Variants in FMN1 observed in about 807,000 individuals in gnomAD.
The protein encoded by FMN1 is formin-1.
A neutral mutation model predicts 132.4 loss-of-function variants in FMN1; 110 were observed. The observed-to-expected ratio is 0.83, with a 90% CI of 0.71 to 0.97. FMN1 has a LOEUF of 0.97. Among genes scored for constraint, FMN1 ranks in the 50% least tolerant of loss-of-function variants. The pLI is 0.00. For synonymous variants in FMN1, 722 were observed against 651.7 expected (o/e 1.11, Z -1.64); for missense variants, 1,792 against 1,705.3 (o/e 1.05, Z -0.90).
At position 33,154,160 on chromosome 15, in the gene FMN1, C is replaced by G. The variant is rs1369300616; in HGVS notation, c.755G>C (p.Ser252Thr). Residue 252 changes from serine to threonine, a missense_variant, in exon 4 of 21, where the codon AGC becomes ACC. Physicochemically the swap from Ser to Thr is moderately conservative, Grantham distance 58. Around this residue, in one of 3 missense-constraint regions of FMN1, gnomAD observed 638 missense variants for 645.2 expected, o/e 0.99. Transcript: ENST00000616417. ...KTPDTDLGFG[S>T]FETAFKDTGL... ...AGTGTCCTTGAAAGCCGTCTCAAAG[C>G]TCCCAAAGCCAAGGTCTGTGTCTGG... 13 of 1,536,356 alleles carry G rather than the reference C, an allele frequency of 8.5e-6. No homozygotes were observed. Among genetic ancestry groups the G allele is most frequent in the Non-Finnish European group, 1.1e-5 (13 of 1,147,010 alleles).
intron 6 of FMN1, among the ~76,000 whole-genome samples, chr15:33,018,990 G>A (rs766949707): frequency 6.6e-6 from 1 of 152,194 alleles, no homozygotes; most frequent in Non-Finnish European, 1.5e-5. Context: ...GCAGCAGCAA[G>A]ATTTATTGCA....
intron 15 of FMN1, among the ~76,000 whole-genome samples, chr15:32,890,707 G>A (rs1373840594): frequency 1.3e-5 from 2 of 152,072 alleles, no homozygotes; most frequent in African/African-American, 4.8e-5. Context: ...CTACTCTTAG[G>A]TTGCCCCTTT....
At chr15:33,134,173 T>G (rs1309273651) in intron 4 of FMN1, among the ~76,000 whole-genome samples, 1 of 152,172 alleles carries the variant, frequency 6.6e-6, no homozygotes, top group African/African-American at 2.4e-5. Flanking sequence ...GGTCTCAAAC[T>G]CCTGGGCTCA....
intron 4 of FMN1, among the ~76,000 whole-genome samples, chr15:33,128,568 C>CTT (rs1203138818): frequency 6.6e-6 from 1 of 152,230 alleles, no homozygotes; most frequent in Non-Finnish European, 1.5e-5. Context: ...GAGTTTCTTG[C>CTT]TTCCGATGCG....
In FMN1 at chr15:33,153,682, GGCCGACACACTA is replaced by G; in HGVS notation, c.1221_1232del (p.Val409_Ser412del). The stretch of plus-strand genomic sequence containing the variant: ...CCTTGTTCACGGCCCCCTCGGCACT[GGCCGACACACTA>G]GAAATGGAGGCTGTTTCCCCGGCTG... On this transcript the variant is annotated inframe_deletion, in exon 4 of 21. Transcript: ENST00000616417. 6.5e-7 allele frequency: 1 copy of G among 1,536,394 alleles called. No individual in the cohort carries two copies. Among genetic ancestry groups the G allele is most frequent in the Non-Finnish European group, 8.7e-7 (1 of 1,146,968 alleles).
chr15:32,781,093 T>A (rs1001349991), intron 19 of FMN1, among the ~76,000 whole-genome samples: 4 of 152,222 alleles, frequency 2.6e-5, no homozygotes, highest in Admixed American at 6.5e-5. Context: ...AAAGAATATA[T>A]GATGCATGTT....
chr15:33,161,670 G>A (rs1328253997), intron 3 of FMN1, among the ~76,000 whole-genome samples: 1 of 152,134 alleles, frequency 6.6e-6, no homozygotes, highest in African/African-American at 2.4e-5. Context: ...TGTAATCCCA[G>A]CACTTTGGGA....
chr15:32,859,949 G>A (rs1406528852), intron 16 of FMN1, among the ~76,000 whole-genome samples: 4 of 152,126 alleles, frequency 2.6e-5, no homozygotes, highest in East Asian at 3.9e-4. Flanking sequence ...GATCTGGGAG[G>A]GTTTTTTCTG....
intron 4 of FMN1, among the ~76,000 whole-genome samples, chr15:33,122,606 G>C (rs1218318111): frequency 2.0e-5 from 3 of 152,206 alleles, no homozygotes; most frequent in African/African-American, 7.2e-5. Flanking sequence ...TAATGCAGCA[G>C]TAATAAAATC....
chr15:32,949,978 T>TATTAAA (rs1275873476), intron 9 of FMN1, among the ~76,000 whole-genome samples: 1 of 36,202 alleles, frequency 2.8e-5, no homozygotes, highest in African/African-American at 1.6e-4. Context: ...CACATATATA[T>TATTAAA]ACACACACAT....
At chr15:33,044,636 A>G (rs1227077431) in intron 6 of FMN1, among the ~76,000 whole-genome samples, 1 of 152,048 alleles carries the variant, frequency 6.6e-6, no homozygotes, top group Non-Finnish European at 1.5e-5. Context: ...AAGGGATGAG[A>G]GGATGACCAG....
chr15:32,842,200 C>G (rs976064036), intron 17 of FMN1, among the ~76,000 whole-genome samples: 7 of 152,180 alleles, frequency 4.6e-5, no homozygotes, highest in Non-Finnish European at 8.8e-5. Context: ...AAGCCAGTAA[C>G]TATGTAAGAA....
At chr15:32,977,008 C>T (rs186540913) in intron 7 of FMN1, among the ~76,000 whole-genome samples, 19 of 152,306 alleles carry the variant, frequency 1.2e-4, no homozygotes, top group South Asian at 1.2e-3. Flanking sequence ...GGATTTCAAT[C>T]CTGGCTGATA....
At chr15:32,960,901 A>T (rs2140567466) in intron 9 of FMN1, among the ~76,000 whole-genome samples, 1 of 146,932 alleles carries the variant, frequency 6.8e-6, no homozygotes, top group South Asian at 2.3e-4. Context: ...AGGCTGAAGC[A>T]GGAGAATTGC....
chr15:32,907,592 A>C (rs1596244616), intron 12 of FMN1, among the ~76,000 whole-genome samples: 1 of 152,314 alleles, frequency 6.6e-6, no homozygotes, highest in East Asian at 1.9e-4. Flanking sequence ...ATGGAACTCC[A>C]GTGCAAGCCG....
At chr15:33,058,095 G>GGGA (rs2037316773) in intron 6 of FMN1, among the ~76,000 whole-genome samples, 1 of 115,572 alleles carries the variant, frequency 8.7e-6, no homozygotes, top group South Asian at 3.0e-4. Flanking sequence ...TGGGGGTGCT[G>GGGA]GTGGAAAGGT....
chr15:32,855,820 C>T (rs2059117846), intron 17 of FMN1, among the ~76,000 whole-genome samples: 1 of 152,200 alleles, frequency 6.6e-6, no homozygotes, highest in Non-Finnish European at 1.5e-5. Context: ...TATATTTACA[C>T]AGTATAATTA....
intron 4 of FMN1, among the ~76,000 whole-genome samples, chr15:33,093,486 A>G (rs1418187699): frequency 1.3e-5 from 2 of 152,202 alleles, no homozygotes; most frequent in Non-Finnish European, 2.9e-5. Context: ...ATCTAAGAAG[A>G]CAGAGCTGTG....
At chr15:33,021,156 T>C (rs781401219) in intron 6 of FMN1, among the ~76,000 whole-genome samples, 5 of 152,194 alleles carry the variant, frequency 3.3e-5, no homozygotes, top group South Asian at 2.1e-4. Context: ...CAGAGAAAGA[T>C]ACATGGTGCA....
Sources: gnomAD v4.1 joint callset for allele counts (sites outside exome capture counted in the v4.1 genomes callset) on GRCh38, gnomAD v4.1.1 for gene constraint, gnomAD v4.1.1 regional missense constraint, MANE v1.5 for transcripts, NCBI Gene and HGNC (gene_info 2026-07-23, HGNC 2026-07-21) for gene names.